The following UGT1A8 variants were observed in gnomAD, a reference collection of about 807,000 sequenced individuals.
UGT1A8 encodes UDP glucuronosyltransferase family 1 member A8.
A neutral mutation model predicts 45.3 loss-of-function variants in UGT1A8; 39 were observed. The ratio of observed to expected loss-of-function variants is 0.86; its 90% CI spans 0.67 to 1.12. The LOEUF (loss-of-function observed/expected upper bound fraction) is 1.12. Ranked by LOEUF, UGT1A8 falls within the 50% of genes most tolerant of loss-of-function variation. The probability of loss-of-function intolerance (pLI) is 0.00; values close to 1 mark genes in which losing one functional copy is unlikely to be tolerated. For missense variants in UGT1A8, 719 were observed against 664.9 expected (o/e 1.08, Z -0.90); for synonymous variants, 275 against 249.2 (o/e 1.10, Z -0.97).
intron 1 of UGT1A8, chr2:233,760,610 G>T (rs1389365341): frequency 1.2e-6 from 2 of 1,614,182 alleles, no homozygotes; most frequent in South Asian, 2.2e-5. Flanking sequence ...TTCCTGCAGC[G>T]TGTGATCAAA....
chr2:233,720,831 G>A (rs1315551380), intron 1 of UGT1A8, among the ~76,000 whole-genome samples: 2 of 150,572 alleles, frequency 1.3e-5, no homozygotes, highest in African/African-American at 2.4e-5. Context: ...TCAGTCTCCT[G>A]AGTAACTGGG....
chr2:233,743,665 C>T lies in UGT1A8; in HGVS notation c.856-23369C>T, dbSNP rs1373066127. Reference sequence around the variant, plus strand: ...AGCTGAAGACGTACTCGAAGGGGTCCTCGAAGGGCCTGCCGCCTGTGCAGC... The same window carrying T: ...AGCTGAAGACGTACTCGAAGGGGTCTTCGAAGGGCCTGCCGCCTGTGCAGC... On this transcript the variant is annotated intron_variant, in intron 1 of 4. Coordinates refer to ENST00000373450, the MANE Select transcript of UGT1A8 (RefSeq NM_019076.5). 9 of 1,367,242 alleles carry T rather than the reference C, an allele frequency of 6.6e-6. 2 individuals are homozygous for T. The African/African-American group carries it at 1.3e-4, about 20-fold the overall frequency. The allele number at this position is 1,367,242 out of a possible 1,614,324, so 84.7% of individuals were successfully genotyped here. A position where few individuals can be genotyped will look rare whatever the true frequency, so the allele number is the denominator to read the frequency against.
At chr2:233,768,767 A>G (rs1699720630) in intron 4 of UGT1A8, among the ~76,000 whole-genome samples, 1 of 151,722 alleles carries the variant, frequency 6.6e-6, no homozygotes, top group South Asian at 2.1e-4. Context: ...ATTTTTTAGT[A>G]GAGAAAGGGT....
intron 1 of UGT1A8, among the ~76,000 whole-genome samples, chr2:233,625,174 T>A (rs912722528): frequency 6.6e-6 from 1 of 151,942 alleles, no homozygotes; most frequent in Non-Finnish European, 1.5e-5. Flanking sequence ...TTTAAAAACA[T>A]AACATATGAA....
intron 1 of UGT1A8, among the ~76,000 whole-genome samples, chr2:233,634,647 A>C (rs922541758): frequency 4.6e-5 from 7 of 151,710 alleles, no homozygotes; most frequent in Admixed American, 2.6e-4. Flanking sequence ...TTTGCTTTCC[A>C]TATGCTTGGT....
At chr2:233,631,910 A>G (rs1559315802) in intron 1 of UGT1A8, among the ~76,000 whole-genome samples, 1 of 152,112 alleles carries the variant, frequency 6.6e-6, no homozygotes, top group African/African-American at 2.4e-5. Flanking sequence ...GTCTTTGCCC[A>G]TGCCTATTTC....
At chr2:233,711,398 T>G (rs2076179015) in intron 1 of UGT1A8, among the ~76,000 whole-genome samples, 1 of 152,210 alleles carries the variant, frequency 6.6e-6, no homozygotes, top group Non-Finnish European at 1.5e-5. Flanking sequence ...TGTTCCACCC[T>G]CACCCCGGGC....
At chr2:233,635,526 A>T (rs1220745566) in intron 1 of UGT1A8, among the ~76,000 whole-genome samples, 1 of 150,720 alleles carries the variant, frequency 6.6e-6, no homozygotes, top group Non-Finnish European at 1.5e-5. Flanking sequence ...TTCATGAGGG[A>T]TCCATGCCCA....
At chr2:233,636,321 A>G (rs1358205326) in intron 1 of UGT1A8, 16 of 866,634 alleles carry the variant, frequency 1.8e-5, no homozygotes, top group Non-Finnish European at 2.6e-5. Context: ...TGGAAATCAT[A>G]CAAGTAGGTA....
In UGT1A8 at chr2:233,724,282, G is replaced by C. The variant is rs1306983781; in HGVS notation, c.856-42752G>C. Among the ~76,000 whole-genome samples, 10 of 125,690 alleles carry C rather than the reference G, an allele frequency of 8.0e-5. No individual in the cohort carries two copies. In the East Asian group the frequency reaches 2.6e-3, roughly 32 times the overall value. 82.5% of individuals were successfully genotyped at this position (125,690 alleles called of 152,430 possible). On this transcript the variant is annotated intron_variant, in intron 1 of 4. Coordinates refer to ENST00000373450, the MANE Select transcript of UGT1A8 (RefSeq NM_019076.5). ...TCCCGGACGGGGCGGCTGGCCGGGC[G>C]GGGGGCTGACCCCCCCACCTCCCTC... is the stretch of plus-strand genomic sequence containing the variant.
chr2:233,745,619 A>G (rs976825900), intron 1 of UGT1A8, among the ~76,000 whole-genome samples: 4 of 151,618 alleles, frequency 2.6e-5, no homozygotes, highest in Non-Finnish European at 5.9e-5. Context: ...CACACAATGA[A>G]CAGTCATAGA....
chr2:233,687,959 T>C (rs573648451), intron 1 of UGT1A8, among the ~76,000 whole-genome samples: 2 of 152,348 alleles, frequency 1.3e-5, no homozygotes, highest in East Asian at 3.9e-4. Context: ...AAAATTGATA[T>C]GTAATTCATG....
At chr2:233,687,422 C>T (rs907615477) in intron 1 of UGT1A8, among the ~76,000 whole-genome samples, 1 of 151,774 alleles carries the variant, frequency 6.6e-6, no homozygotes, top group East Asian at 1.9e-4. Context: ...GGAGGCTTAC[C>T]GTGTACCAGG....
At chr2:233,674,927 A>G (rs1312490946) in intron 1 of UGT1A8, among the ~76,000 whole-genome samples, 1 of 152,208 alleles carries the variant, frequency 6.6e-6, no homozygotes, top group African/African-American at 2.4e-5. Context: ...TGTGTCTGGG[A>G]AAAGCATGCA....
chr2:233,646,138 G>A (rs2073595571), intron 1 of UGT1A8, among the ~76,000 whole-genome samples: 1 of 152,216 alleles, frequency 6.6e-6, no homozygotes, highest in Non-Finnish European at 1.5e-5. Flanking sequence ...AAGCCATGGT[G>A]TGAGCTGTAC....
At chr2:233,760,844 GCC>G in intron 1 of UGT1A8, 1 of 1,613,986 alleles carries the variant, frequency 6.2e-7, no homozygotes, top group Non-Finnish European at 8.5e-7. Flanking sequence ...GCTACCCAGT[GCC>G]CCAACCCATT....
chr2:233,685,101 T>C (rs1008547396), intron 1 of UGT1A8, among the ~76,000 whole-genome samples: 4 of 152,178 alleles, frequency 2.6e-5, no homozygotes, highest in Non-Finnish European at 5.9e-5. Flanking sequence ...TATAACAAAA[T>C]CTTATTGAGT....
chr2:233,670,914 T>G (rs1476054879), intron 1 of UGT1A8, among the ~76,000 whole-genome samples: 2 of 152,218 alleles, frequency 1.3e-5, no homozygotes. Flanking sequence ...CGAGGCCTTC[T>G]TGTACAACAA....
intron 1 of UGT1A8, chr2:233,747,817 C>T: frequency 6.2e-7 from 1 of 1,613,510 alleles, no homozygotes; most frequent in South Asian, 1.1e-5. Flanking sequence ...ACGACCAATT[C>T]AGACCACATG....
Sources: allele counts gnomAD v4.1 joint callset (sites outside exome capture counted in the v4.1 genomes callset), GRCh38; gene constraint gnomAD v4.1.1; transcripts MANE v1.5; gene names NCBI Gene and HGNC (gene_info 2026-07-23, HGNC 2026-07-21).